The following IQSEC3 variants were observed in gnomAD, a reference collection of about 807,000 sequenced individuals.
IQSEC3 encodes the protein IQ motif and Sec7 domain ArfGEF 3, also known as IQ motif and SEC7 domain-containing protein 3.
A neutral mutation model predicts 105.4 loss-of-function variants in IQSEC3; 50 were observed. That is an observed-to-expected ratio of 0.47 (90% CI 0.38 to 0.60). IQSEC3 has a LOEUF of 0.60. Among genes scored for constraint, IQSEC3 ranks in the 20% least tolerant of loss-of-function variants. The probability of loss-of-function intolerance (pLI) is 0.00; values close to 1 mark genes in which losing one functional copy is unlikely to be tolerated. For synonymous variants in IQSEC3, 708 were observed against 746.0 expected (o/e 0.95, Z 0.83); for missense variants, 1,415 against 1,630.0 (o/e 0.87, Z 2.27).
chr12:163,911 C>T (rs782019314), intron 9 of IQSEC3, among the ~76,000 whole-genome samples: 19 of 152,228 alleles, frequency 1.2e-4, no homozygotes, highest in Non-Finnish European at 2.4e-4. Flanking sequence ...GGCCTCTCCA[C>T]GTTACAGGAA....
chr12:78,898 T>C (rs1383179667), intron 1 of IQSEC3, among the ~76,000 whole-genome samples: 1 of 151,916 alleles, frequency 6.6e-6, no homozygotes, highest in Non-Finnish European at 1.5e-5. Context: ...TCTTTGAAGG[T>C]GAGAGGCCTC....
At chr12:127,989 G>C (rs1344693732) in intron 3 of IQSEC3, among the ~76,000 whole-genome samples, 3 of 152,220 alleles carry the variant, frequency 2.0e-5, no homozygotes, top group Admixed American at 6.5e-5. Context: ...CCTTGGGCAA[G>C]TTGCTTGACT....
chr12:138,771 ACCCCCGGCCTG>A lies in IQSEC3; in HGVS notation c.1418_1428del (p.Leu473ProfsTer84). On this transcript the variant is annotated frameshift_variant, in exon 4 of 14. Transcript: ENST00000538872. LOFTEE classifies it high-confidence loss of function. The surrounding 1 kb of genome is among the most constrained non-coding windows in gnomAD (Gnocchi z 7.1). ...CGGGCCCGGGGATGACGCCGCGGAG[ACCCCCGGCCTG>A]CCCCCGGCCCACAGCGGGACCCTCA... The A allele has an allele frequency of 6.3e-7, 1 of 1,580,342 alleles. No individual in the cohort carries two copies.
intron 2 of IQSEC3, among the ~76,000 whole-genome samples, chr12:99,978 T>C (rs1254573350): frequency 1.3e-5 from 2 of 151,702 alleles, no homozygotes; most frequent in Non-Finnish European, 2.9e-5. Context: ...TCTCACTCTT[T>C]TCTCTTTTCC....
At chr12:161,246 A>G (rs1866878915) in intron 7 of IQSEC3, among the ~76,000 whole-genome samples, 1 of 152,232 alleles carries the variant, frequency 6.6e-6, no homozygotes, top group South Asian at 2.1e-4. Flanking sequence ...GAAATAGTAG[A>G]AAGAAGATAT....
chr12:89,587 C>T (rs1431580526), intron 1 of IQSEC3, among the ~76,000 whole-genome samples: 1 of 152,060 alleles, frequency 6.6e-6, no homozygotes, highest in Non-Finnish European at 1.5e-5. Context: ...GCCAAGTGAC[C>T]CTTTGTTCCC....
At chr12:156,915 G>C in intron 5 of IQSEC3, 110 bp from the exon 6 acceptor site, 3 of 1,314,390 alleles carry the variant, frequency 2.3e-6, no homozygotes, top group Non-Finnish European at 3.0e-6. Context: ...GGGGTGAGTA[G>C]CCTGAGGGGC....
intron 2 of IQSEC3, among the ~76,000 whole-genome samples, chr12:120,933 C>G (rs1261863464): frequency 1.3e-5 from 2 of 152,176 alleles, no homozygotes; most frequent in African/African-American, 4.8e-5. Context: ...AGGGAGTAAT[C>G]CTGTGACCAG....
At chr12:70,523 G>A (rs1424553368) in intron 1 of IQSEC3, among the ~76,000 whole-genome samples, 4 of 152,274 alleles carry the variant, frequency 2.6e-5, no homozygotes, top group African/African-American at 9.6e-5. Flanking sequence ...GCCTCTTAAT[G>A]AAAGCAGCAA....
intron 1 of IQSEC3, among the ~76,000 whole-genome samples, chr12:72,157 C>T (rs377357969): frequency 6.6e-6 from 1 of 152,238 alleles, no homozygotes; most frequent in Non-Finnish European, 1.5e-5. Context: ...TGCCATAGGG[C>T]CTCACAAAGG....
At chr12:91,860 C>T (rs929027259) in intron 1 of IQSEC3, among the ~76,000 whole-genome samples, 2 of 152,090 alleles carry the variant, frequency 1.3e-5, no homozygotes, top group Non-Finnish European at 2.9e-5. Context: ...TTCAGGTCTG[C>T]GCTGCCTCCA....
chr12:161,990 G>C lies in IQSEC3; in HGVS notation c.2508G>C (p.Gln836His), dbSNP rs782294753. 16 of 1,613,620 alleles carry C rather than the reference G, an allele frequency of 9.9e-6. No homozygotes were observed. Among genetic ancestry groups the C allele is most frequent in the African/African-American group, 1.3e-5 (1 of 74,894 alleles). ...TAGGCATCTATGAGAGGATACAGCA[G>C]AAGGAGCTCAAGTCCAATGAGGACC... is the stretch of plus-strand genomic sequence containing the variant. The part of the protein sequence containing the change: ...LVVGIYERIQ[Q>H]KELKSNEDHV... Residue 836 changes from glutamine (Q) to histidine (H), a missense_variant, in exon 8 of 14, where the codon CAG (glutamine) becomes CAC (histidine). Gln to His is a conservative substitution (Grantham distance 24). Coordinates refer to ENST00000538872, the MANE Select transcript of IQSEC3 (RefSeq NM_001170738.2).
At chr12:128,741 G>A (rs1180068099) in intron 3 of IQSEC3, among the ~76,000 whole-genome samples, 1 of 152,136 alleles carries the variant, frequency 6.6e-6, no homozygotes, top group Non-Finnish European at 1.5e-5. Context: ...CCTCTTGCCT[G>A]CACGCCGGGA....
intron 5 of IQSEC3, among the ~76,000 whole-genome samples, chr12:144,804 G>A (rs782165646): frequency 3.3e-5 from 5 of 152,226 alleles, no homozygotes; most frequent in Admixed American, 1.3e-4. Flanking sequence ...AGCTCAAAGA[G>A]CCACACCCAT....
chr12:119,501 G>A (rs1426570285), intron 2 of IQSEC3, among the ~76,000 whole-genome samples: 3 of 152,190 alleles, frequency 2.0e-5, no homozygotes, highest in African/African-American at 7.2e-5. Context: ...AGAGACCAGG[G>A]TAATCCTGGC....
chr12:139,605 T>A (rs530723240), intron 4 of IQSEC3: 2 of 412,722 alleles, frequency 4.8e-6, no homozygotes, highest in South Asian at 1.9e-4. Context: ...GACACATGCT[T>A]TCACAACTGT....
At chr12:121,779 A>G (rs1397762778) in intron 2 of IQSEC3, among the ~76,000 whole-genome samples, 1 of 152,192 alleles carries the variant, frequency 6.6e-6, no homozygotes, top group African/African-American at 2.4e-5. Flanking sequence ...ATACGATTCT[A>G]GCTCAGAAAA....
intron 5 of IQSEC3, among the ~76,000 whole-genome samples, chr12:156,383 C>T (rs1267813168): frequency 1.3e-5 from 2 of 152,094 alleles, no homozygotes; most frequent in Non-Finnish European, 1.5e-5. Flanking sequence ...GTCACGCTGT[C>T]CCCTCACGTT....
chr12:140,031 A>G (rs1027735850), intron 4 of IQSEC3, among the ~76,000 whole-genome samples: 21 of 152,182 alleles, frequency 1.4e-4, no homozygotes, highest in African/African-American at 5.1e-4. Context: ...TGTCAGGTCC[A>G]GGAGGCAGGC....
Sources: allele counts gnomAD v4.1 joint callset (sites outside exome capture counted in the v4.1 genomes callset), GRCh38; gene constraint gnomAD v4.1.1; non-coding constraint Gnocchi (gnomAD v3.1); transcripts MANE v1.5; gene names NCBI Gene and HGNC (gene_info 2026-07-23, HGNC 2026-07-21).